RBBP4: variants seen among roughly 807,000 people sequenced by gnomAD.
The protein encoded by RBBP4 is RB binding protein 4, chromatin remodeling factor, also known as histone-binding protein RBBP4.
A neutral mutation model predicts 57.2 loss-of-function variants in RBBP4; 3 were observed. The observed-to-expected ratio is 0.05, with a 90% CI of 0.02 to 0.14. The LOEUF (loss-of-function observed/expected upper bound fraction) is 0.14. Among genes scored for constraint, RBBP4 ranks in the 10% least tolerant of loss-of-function variants. The pLI, the probability that RBBP4 is intolerant of heterozygous loss-of-function variation, is 1.00. For synonymous variants in RBBP4, 151 were observed against 171.5 expected, an observed-to-expected ratio of 0.88 and a Z score of 0.93; for missense variants, 107 against 520.6, an observed-to-expected ratio of 0.21 and a Z score of 7.73.
At chr1:32,653,380 T>C (rs888774326) in intron 2 of RBBP4, among the ~76,000 whole-genome samples, 3 of 152,190 alleles carry the variant, frequency 2.0e-5, no homozygotes, top group African/African-American at 7.2e-5. Flanking sequence ...CAAAAGCGAT[T>C]GTATGCTAAG....
intron 3 of RBBP4, chr1:32,662,380 T>C (rs1648462059): frequency 5.7e-6 from 1 of 175,894 alleles, no homozygotes; most frequent in Non-Finnish European, 1.3e-5. Context: ...TTGTTGTTGT[T>C]GTTGTTGCTT....
intron 1 of RBBP4, 140 bp from the exon 2 acceptor site, chr1:32,651,772 AGT>A: frequency 2.0e-6 from 2 of 995,596 alleles, no homozygotes; most frequent in Non-Finnish European, 2.9e-6. Flanking sequence ...GAAAGTGGAG[AGT>A]GTGGATGCCT....
At chr1:32,651,412 G>A in intron 1 of RBBP4, 90 bp downstream of exon 1, 1 of 1,383,712 alleles carries the variant, frequency 7.2e-7, no homozygotes, top group Non-Finnish European at 9.4e-7. Context: ...GCAGGCCCGA[G>A]TTTGCCGAGT....
At chr1:32,664,234 T>G (rs906047384) in intron 3 of RBBP4, among the ~76,000 whole-genome samples, 7 of 152,190 alleles carry the variant, frequency 4.6e-5, no homozygotes, top group Non-Finnish European at 8.8e-5. Context: ...GATAACCCAG[T>G]AACATTGGGC....
intron 11 of RBBP4, among the ~76,000 whole-genome samples, chr1:32,675,691 C>T (rs1649070741): frequency 1.3e-5 from 2 of 151,106 alleles, no homozygotes; most frequent in Non-Finnish European, 3.0e-5. Flanking sequence ...ATGGCGTGAA[C>T]CCGGGAGGCA....
In RBBP4 at chr1:32,651,762, G is replaced by A. The variant is rs1445717149; in HGVS notation, c.17-152G>A. 14 of 978,228 alleles carry A rather than the reference G, an allele frequency of 1.4e-5. No individual in the cohort carries two copies. The East Asian group carries it at 2.9e-4, about 20-fold the overall frequency. 60.6% of individuals were successfully genotyped at this position (978,228 alleles called of 1,614,324 possible). A position where few individuals can be genotyped will look rare whatever the true frequency, so the allele number is the denominator to read the frequency against. On this transcript the variant is annotated intron_variant, in intron 1 of 11. Coordinates refer to ENST00000373493, the MANE Select transcript of RBBP4 (RefSeq NM_005610.3). Reference sequence around the variant, plus strand: ...ATGGCCCGAGGAGTTTCGGCGCCGCGAAAGTGGAGAGTGTGGATGCCTCTG... The same window carrying A: ...ATGGCCCGAGGAGTTTCGGCGCCGCAAAAGTGGAGAGTGTGGATGCCTCTG...
rs767516661 is a variant in RBBP4, at chr1:32,683,860, T to A, written c.*4155T>A. 38 of 695,872 alleles carry A rather than the reference T, an allele frequency of 5.5e-5. No homozygotes were observed. The highest frequency in any genetic ancestry group is 8.5e-5 in the Non-Finnish European group (35 of 412,396). The allele number at this position is 695,872 out of a possible 1,614,324, so 43.1% of individuals were successfully genotyped here. On this transcript the variant is annotated 3_prime_UTR_variant, in exon 12 of 12. Coordinates refer to ENST00000373493, the MANE Select transcript of RBBP4 (RefSeq NM_005610.3). ...GTTGGCCAGGCTGGTCTTGAACTCC[T>A]GACTCCAGGTGATCCACCCTCCTCA...
rs1393008160 is a variant in RBBP4, at chr1:32,684,415, G to A, written c.*4710G>A. On this transcript the variant is annotated 3_prime_UTR_variant, in exon 12 of 12. Coordinates refer to ENST00000373493, the MANE Select transcript of RBBP4 (RefSeq NM_005610.3). ...AGATGGCCAAGAACATTTCTAATGA[G>A]CCAAACAATAAAAACTCACATTGTC... 6.2e-7 allele frequency: 1 copy of A among 1,613,222 alleles called. No individual in the cohort carries two copies. The highest frequency in any genetic ancestry group is 1.7e-5 in the Admixed American group (1 of 59,824).
chr1:32,678,982 T>C (rs1649253584), intron 11 of RBBP4, among the ~76,000 whole-genome samples: 1 of 152,144 alleles, frequency 6.6e-6, no homozygotes, highest in South Asian at 2.1e-4. Context: ...GGGTTGTTTT[T>C]ACTTTTTGGC....
rs560279083 is a variant in RBBP4, at chr1:32,683,797, T to C, written c.*4092T>C. On this transcript the variant is annotated 3_prime_UTR_variant, in exon 12 of 12. Transcript: ENST00000373493. ...ATAAGTGCCTGCCACTATGCCCGGCTAATTTTTGTATTTTTAGTGGAGATG... is the reference window on the plus strand; with the variant it reads ...ATAAGTGCCTGCCACTATGCCCGGCCAATTTTTGTATTTTTAGTGGAGATG... The C allele has an allele frequency of 9.5e-6, 5 of 524,938 alleles. No homozygotes were observed. In the East Asian group the frequency reaches 1.8e-4, roughly 19 times the overall value. 32.5% of individuals were successfully genotyped at this position (524,938 alleles called of 1,614,324 possible).
chr1:32,656,457 G>A (rs949521286), intron 2 of RBBP4, among the ~76,000 whole-genome samples: 7 of 152,116 alleles, frequency 4.6e-5, no homozygotes, highest in African/African-American at 1.7e-4. Context: ...GGTTCAAGCA[G>A]TTCTCCTGTC....
chr1:32,680,266 T>G lies in RBBP4; in HGVS notation c.*561T>G. 4.1e-6 allele frequency: 5 copies of G among 1,225,620 alleles called. No individual in the cohort carries two copies. Among genetic ancestry groups the G allele is most frequent in the Non-Finnish European group, 5.1e-6 (5 of 980,354 alleles). The allele number at this position is 1,225,620 out of a possible 1,614,324, so 75.9% of individuals were successfully genotyped here. A position where few individuals can be genotyped will look rare whatever the true frequency, so the allele number is the denominator to read the frequency against. ...AACACGTTCCTCTTTCCCCATATAT[T>G]CATATATTTTTGCTCGTTAGTGTAT... On this transcript the variant is annotated 3_prime_UTR_variant, in exon 12 of 12. Coordinates refer to ENST00000373493, the MANE Select transcript of RBBP4 (RefSeq NM_005610.3).
Position 32,681,996 on chromosome 1 carries a change from C to T in RBBP4, c.*2291C>T. The T allele has an allele frequency of 4.1e-6, 3 of 731,418 alleles. No individual in the cohort carries two copies. Among genetic ancestry groups the T allele is most frequent in the Non-Finnish European group, 7.0e-6 (3 of 428,932 alleles). 45.3% of individuals were successfully genotyped at this position (731,418 alleles called of 1,614,324 possible). On this transcript the variant is annotated 3_prime_UTR_variant, in exon 12 of 12. Transcript: ENST00000373493. ...CTTTCCCCTAGCAAATATTTGGATG[C>T]CTCCTGTTTGTCAAATAGAATGAAT... is the stretch of plus-strand genomic sequence containing the variant.
chr1:32,684,693 CT>C lies in RBBP4; in HGVS notation c.*4989del, dbSNP rs1171710106. Reference sequence around the variant, plus strand: ...TAGTGTCATTGAGGAGGATTTTGGTCTAGTTAGTGGGCTGAGTTTCATATAC... The same window carrying C: ...TAGTGTCATTGAGGAGGATTTTGGTCAGTTAGTGGGCTGAGTTTCATATAC... On this transcript the variant is annotated 3_prime_UTR_variant, in exon 12 of 12. Coordinates refer to ENST00000373493, the MANE Select transcript of RBBP4 (RefSeq NM_005610.3). The C allele has an allele frequency of 3.6e-6, 1 of 276,702 alleles. No homozygotes were observed. Among genetic ancestry groups the C allele is most frequent in the Non-Finnish European group, 7.0e-6 (1 of 143,444 alleles). 17.1% of individuals were successfully genotyped at this position (276,702 alleles called of 1,614,324 possible).
In RBBP4 at chr1:32,651,896, T is replaced by G; in HGVS notation, c.17-18T>G. On this transcript the variant is annotated intron_variant, in intron 1 of 11. Coordinates refer to ENST00000373493, the MANE Select transcript of RBBP4 (RefSeq NM_005610.3). The stretch of plus-strand genomic sequence containing the variant: ...TTCCGTTTGTTTGCTAACTTAAATT[T>G]GTTTTTAAAAATTTTAGCAGCCTTC... 6.2e-7 allele frequency: 1 copy of G among 1,612,718 alleles called. No homozygotes were observed. Among genetic ancestry groups the G allele is most frequent in the Non-Finnish European group, 8.5e-7 (1 of 1,179,418 alleles).
Position 32,669,577 on chromosome 1 carries a change from A to T in RBBP4, c.966+14A>T. Reference sequence around the variant, plus strand: ...GAAATATTCCAGGTAAGAGAAACTAATGCTACTATTTTGTTTGTTTTAAGA... The same window carrying T: ...GAAATATTCCAGGTAAGAGAAACTATTGCTACTATTTTGTTTGTTTTAAGA... On this transcript the variant is annotated intron_variant, in intron 8 of 11. Coordinates refer to ENST00000373493, the MANE Select transcript of RBBP4 (RefSeq NM_005610.3). This position sits in a 1 kb window ranked among gnomAD's most constrained non-coding sequence, Gnocchi z 4.9. The T allele has an allele frequency of 6.3e-7, 1 of 1,588,826 alleles. No homozygotes were observed. The highest frequency in any genetic ancestry group is 8.5e-7 in the Non-Finnish European group (1 of 1,173,122).
chr1:32,678,332 T>G (rs1192610165), intron 11 of RBBP4, among the ~76,000 whole-genome samples: 5 of 151,730 alleles, frequency 3.3e-5, no homozygotes, highest in African/African-American at 1.2e-4. Flanking sequence ...GTTCAAGCGA[T>G]TCTCCTGCCT....
intron 2 of RBBP4, 60 bp downstream of exon 2, chr1:32,652,121 A>G (rs1647769299): frequency 2.0e-6 from 3 of 1,529,482 alleles, no homozygotes; most frequent in South Asian, 1.2e-5. Flanking sequence ...TCTCATATTG[A>G]TTTTCTTTTT....
intron 11 of RBBP4, among the ~76,000 whole-genome samples, chr1:32,674,412 T>G (rs2148530650): frequency 6.6e-6 from 1 of 152,166 alleles, no homozygotes; most frequent in African/African-American, 2.4e-5. Context: ...TTTTAAAATT[T>G]TTTGTAGAGA....
Sources: gnomAD v4.1 joint callset for allele counts (sites outside exome capture counted in the v4.1 genomes callset) on GRCh38, gnomAD v4.1.1 for gene constraint, Gnocchi (gnomAD v3.1) non-coding constraint, MANE v1.5 for transcripts, NCBI Gene and HGNC (gene_info 2026-07-23, HGNC 2026-07-21) for gene names.